The following ENO4 variants were observed in gnomAD, a reference collection of about 807,000 sequenced individuals.
The protein encoded by ENO4 is enolase 4.
In ENO4, 53 loss-of-function variants were observed where a neutral mutation model predicts 63.2. That is an observed-to-expected ratio of 0.84 (90% CI 0.67 to 1.05). The LOEUF is 1.05. Ranked by LOEUF, ENO4 falls within the 50% of genes least tolerant of loss-of-function variation. The probability of loss-of-function intolerance (pLI) is 0.00; values close to 1 mark genes in which losing one functional copy is unlikely to be tolerated. For synonymous variants in ENO4, 266 were observed against 283.8 expected (o/e 0.94, Z 0.63); for missense variants, 719 against 772.0 (o/e 0.93, Z 0.81).
chr10:116,851,824 T>C (rs75165347), intron 1 of ENO4, among the ~76,000 whole-genome samples: 5,995 of 152,172 alleles, frequency 0.039, 150 homozygotes, highest in Non-Finnish European at 0.056. Context: ...TCCCTCCTCT[T>C]TGCTTGTCCC....
Position 116,855,632 on chromosome 10 carries a change from T to G in ENO4, c.175T>G (p.Phe59Val). The change falls in exon 2 of 14, where the codon TTT (phenylalanine) becomes GTT (valine). Residue 59 changes from phenylalanine to valine, a missense_variant. By Grantham distance (50) the Phe-to-Val change is conservative. Around this residue, in one of 3 missense-constraint regions of ENO4, gnomAD observed 544 missense variants for 583.6 expected, o/e 0.93. Transcript: ENST00000341276. ...TTTGTGTGTGTTGAAGGCAAACTGC[T>G]TTTCTAAACTTGCAAAGCCTCCCAC... is the stretch of plus-strand genomic sequence containing the variant. ...ADVYGHLANC[F>V]SKLAKPPTIC... 6.5e-7 allele frequency: 1 copy of G among 1,536,204 alleles called. No homozygotes were observed.
rs1045528176 is a variant in ENO4 at position 116,855,867 on chromosome 10, T to G, written c.294+116T>G. 2.6e-5 allele frequency: 31 copies of G among 1,190,192 alleles called. No individual in the cohort carries two copies. In the African/African-American group the frequency reaches 3.6e-4, roughly 14 times the overall value. 73.7% of individuals were successfully genotyped at this position (1,190,192 alleles called of 1,614,324 possible). ...GAAATTCAGTGTTTGTGAAATATAT[T>G]TCATAGGTAGTCATGTAAGCATGAA... On this transcript the variant is annotated intron_variant, in intron 2 of 13. Coordinates refer to ENST00000341276, the MANE Select transcript of ENO4 (RefSeq NM_001242699.2).
At chr10:116,911,622 CAT>C (rs1848200831) in exon 11 of ENO4, 3 of 1,553,464 alleles carry the variant, frequency 1.9e-6, no homozygotes, top group Admixed American at 2.0e-5. Context: ...AAATTATTAA[CAT>C]ATGTGATGGA....
At chr10:116,863,388 G>A (rs1905550) in intron 7 of ENO4, among the ~76,000 whole-genome samples, 51 of 53,850 alleles carry the variant, frequency 9.5e-4, no homozygotes, top group South Asian at 1.5e-3. Flanking sequence ...ACACACACAC[G>A]CACACACCTT....
chr10:116,868,869 G>T (rs1275947132), intron 8 of ENO4, among the ~76,000 whole-genome samples, 163 bp downstream of exon 8: 2 of 152,106 alleles, frequency 1.3e-5, no homozygotes, highest in Non-Finnish European at 2.9e-5. Context: ...GCAGTATCAT[G>T]CTGCCCCTGC....
At chr10:116,905,891 A>T (rs1299231153) in intron 10 of ENO4, among the ~76,000 whole-genome samples, 1 of 152,202 alleles carries the variant, frequency 6.6e-6, no homozygotes, top group Non-Finnish European at 1.5e-5. Flanking sequence ...ACGCACAGTT[A>T]TGGGATACAT....
chr10:116,902,193 A>C (rs1847769905), intron 10 of ENO4, among the ~76,000 whole-genome samples: 1 of 152,192 alleles, frequency 6.6e-6, no homozygotes, highest in African/African-American at 2.4e-5. Flanking sequence ...AGAAACCACA[A>C]AATCCCAGGC....
intron 10 of ENO4, among the ~76,000 whole-genome samples, chr10:116,889,729 A>G (rs1847276553): frequency 6.6e-6 from 1 of 152,196 alleles, no homozygotes; most frequent in South Asian, 2.1e-4. Flanking sequence ...TAGAAACAGG[A>G]GGCTACAGGC....
At chr10:116,911,706 C>G (rs1479138436) in exon 11 of ENO4, 4 of 1,577,708 alleles carry the variant, frequency 2.5e-6, no homozygotes, top group Non-Finnish European at 3.5e-6. Context: ...AAACACACCA[C>G]AAACAATTCA....
Position 116,871,307 on chromosome 10 carries a change from C to T in ENO4, c.1215+15C>T. The stretch of plus-strand genomic sequence containing the variant: ...TGATGGACTACGTAAGTTTCCACTT[C>T]AGAACATTCACTTCCTATTGAGATC... On this transcript the variant is annotated intron_variant, in intron 9 of 13. Transcript: ENST00000341276. 6.5e-7 allele frequency: 1 copy of T among 1,544,336 alleles called. No homozygotes were observed.
intron 10 of ENO4, chr10:116,900,798 A>T (rs1051896947): frequency 4.1e-6 from 4 of 985,422 alleles, no homozygotes; most frequent in African/African-American, 3.5e-5. Context: ...ATGTGCTTTT[A>T]AACACAGTGA....
rs1225943547 is a variant in ENO4, at chr10:116,871,273, G to A, written c.1196G>A (p.Gly399Glu). The A allele has an allele frequency of 1.3e-6, 2 of 1,550,222 alleles. No individual in the cohort carries two copies. The highest frequency in any genetic ancestry group is 1.7e-6 in the Non-Finnish European group (2 of 1,146,890). Residue 399 changes from glycine (G) to glutamate (E), a missense_variant, in exon 9 of 14, where the codon GGA (glycine) becomes GAA (glutamate). Transcript: ENST00000341276. ...TNLHLAINCA[G>E]HELMDYNKGK... Reference sequence around the variant, plus strand: ...CTGCATCTAGCTATCAACTGTGCTGGACATGAGCTGATGGACTACGTAAGT... The same window carrying A: ...CTGCATCTAGCTATCAACTGTGCTGAACATGAGCTGATGGACTACGTAAGT...
intron 10 of ENO4, chr10:116,901,505 T>C (rs1847734642): frequency 1.0e-6 from 1 of 985,168 alleles, no homozygotes; most frequent in African/African-American, 1.7e-5. Context: ...TCCAGATCAA[T>C]TATTTGTGTA....
At chr10:116,887,656 C>T (rs1847209104) in intron 10 of ENO4, among the ~76,000 whole-genome samples, 1 of 152,152 alleles carries the variant, frequency 6.6e-6, no homozygotes. Context: ...CACCTAATAC[C>T]TCTCCCTTGT....
rs1298197330 is a variant in ENO4, at chr10:116,904,972, C to T, written c.1195-6527C>T. 4.6e-5 allele frequency among the ~76,000 whole-genome samples: 7 copies of T among 151,546 alleles called. No individual in the cohort carries two copies. The East Asian group carries it at 1.4e-3, about 29-fold the overall frequency. ...ATCCCAGCACTTTGGGAGGCCGAGG[C>T]GGGTGGATCATGAGGTCAGGAGATC... On this transcript the variant is annotated intron_variant, in intron 10 of 10. Coordinates refer to the ENO4 transcript ENST00000369207.
intron 7 of ENO4, among the ~76,000 whole-genome samples, chr10:116,863,355 T>TAC (rs1846466895): frequency 3.0e-5 from 1 of 33,220 alleles, no homozygotes; most frequent in Admixed American, 4.4e-4. Flanking sequence ...TCTGTGGGGC[T>TAC]TCACACACAC....
In ENO4 at chr10:116,882,033, C is replaced by A; in HGVS notation, c.*364C>A. 1 of 167,112 alleles carries A rather than the reference C, an allele frequency of 6.0e-6. No homozygotes were observed. Among genetic ancestry groups the A allele is most frequent in the Non-Finnish European group, 1.3e-5 (1 of 78,130 alleles). The allele number at this position is 167,112 out of a possible 1,614,324, so 10.4% of individuals were successfully genotyped here. A position where few individuals can be genotyped will look rare whatever the true frequency, so the allele number is the denominator to read the frequency against. On this transcript the variant is annotated 3_prime_UTR_variant, in exon 14 of 14. Coordinates refer to ENST00000341276, the MANE Select transcript of ENO4 (RefSeq NM_001242699.2). Reference sequence around the variant, plus strand: ...TCTCTGAGAACAAAAACCTAATGACCCTAGAAGCTCTCTGTGCTGGGAACA... The same window carrying A: ...TCTCTGAGAACAAAAACCTAATGACACTAGAAGCTCTCTGTGCTGGGAACA...
chr10:116,884,685 A>T (rs550655795), downstream of ENO4: 1 of 157,926 alleles, frequency 6.3e-6, no homozygotes, highest in South Asian at 1.8e-4. Flanking sequence ...AAACCATCTT[A>T]GGGACTATTA....
intron 13 of ENO4, among the ~76,000 whole-genome samples, chr10:116,880,352 A>G (rs1191086009): frequency 6.6e-6 from 1 of 152,226 alleles, no homozygotes; most frequent in Non-Finnish European, 1.5e-5. Context: ...TTTTGGAAAC[A>G]AACTGTTTTA....
Sources: gnomAD v4.1 joint callset for allele counts (sites outside exome capture counted in the v4.1 genomes callset) on GRCh38, gnomAD v4.1.1 for gene constraint, gnomAD v4.1.1 regional missense constraint, MANE v1.5 for transcripts, NCBI Gene and HGNC (gene_info 2026-07-23, HGNC 2026-07-21) for gene names.